Variants in OTX2 observed in about 807,000 individuals in gnomAD.
The protein encoded by OTX2 is homeobox protein OTX2.
Under a neutral mutation model 29.0 loss-of-function variants are expected in OTX2, and 4 were observed. The observed-to-expected ratio is 0.14, with a 90% CI of 0.07 to 0.32. The LOEUF is 0.32. OTX2 is among the 10% of genes least tolerant of loss of function. OTX2 has a pLI of 1.00. For missense variants in OTX2, 298 were observed against 365.9 expected, an observed-to-expected ratio of 0.81 and a Z score of 1.51; for synonymous variants, 134 against 141.0, an observed-to-expected ratio of 0.95 and a Z score of 0.35.
At position 56,802,396 on chromosome 14, in the gene OTX2, T is replaced by A. The variant is rs773032414; in HGVS notation, c.274-41A>T. 6 of 1,609,386 alleles carry A rather than the reference T, an allele frequency of 3.7e-6. No individual in the cohort carries two copies. Among genetic ancestry groups the A allele is most frequent in the Non-Finnish European group, 4.2e-6 (5 of 1,176,984 alleles). On this transcript the variant is annotated intron_variant, in intron 4 of 4. Coordinates refer to ENST00000672264, the MANE Select transcript of OTX2 (RefSeq NM_021728.4). The surrounding 1 kb of genome is among the most constrained non-coding windows in gnomAD (Gnocchi z 4.4). Reference sequence around the variant, plus strand: ...AAATTCTTTAACTCGGTTTTGATAGTTCCTTAAGGACAAGAATGGCTCCCG... The same window carrying A: ...AAATTCTTTAACTCGGTTTTGATAGATCCTTAAGGACAAGAATGGCTCCCG...
Position 56,804,333 on chromosome 14 carries a change from G to T in OTX2, c.128C>A (p.Pro43His). 1 of 1,613,988 alleles carries T rather than the reference G, an allele frequency of 6.2e-7. No individual in the cohort carries two copies. The highest frequency in any genetic ancestry group is 8.5e-7 in the Non-Finnish European group (1 of 1,180,016). ...CGTCCTCTCCCGGCGCTGTTTCCGG[G>T]GGGTGGCTGCGGGACAAGAAGCCCA... is the stretch of plus-strand genomic sequence containing the variant. ...GPWASCPAAT[P>H]RKQRRERTTF... The change falls in exon 4 of 5, where the codon CCC becomes CAC. Residue 43 changes from proline to histidine, a missense_variant. Pro to His is a moderately conservative substitution (Grantham distance 77). This residue lies in a region of OTX2 where 50 missense variants were observed against 57.6 expected (regional missense o/e 0.87). Transcript: ENST00000672264. This position sits in a 1 kb window ranked among gnomAD's most constrained non-coding sequence, Gnocchi z 4.1.
rs762454336 is a variant in OTX2 at position 56,802,397 on chromosome 14, T to C, written c.274-42A>G. The C allele has an allele frequency of 2.5e-6, 4 of 1,609,112 alleles. No homozygotes were observed. Among genetic ancestry groups the C allele is most frequent in the South Asian group, 1.1e-5 (1 of 91,008 alleles). On this transcript the variant is annotated intron_variant, in intron 4 of 4. Coordinates refer to ENST00000672264, the MANE Select transcript of OTX2 (RefSeq NM_021728.4). This position sits in a 1 kb window ranked among gnomAD's most constrained non-coding sequence, Gnocchi z 4.4. ...AATTCTTTAACTCGGTTTTGATAGTTCCTTAAGGACAAGAATGGCTCCCGT... is the reference window on the plus strand; with the variant it reads ...AATTCTTTAACTCGGTTTTGATAGTCCCTTAAGGACAAGAATGGCTCCCGT...
Position 56,801,570 on chromosome 14 carries a change from G to C in OTX2, c.*165C>G, listed in dbSNP as rs1195329294. The C allele has an allele frequency of 2.9e-6, 2 of 694,004 alleles. No homozygotes were observed. Among genetic ancestry groups the C allele is most frequent in the Non-Finnish European group, 5.0e-6 (2 of 402,932 alleles). 43.0% of individuals were successfully genotyped at this position (694,004 alleles called of 1,614,324 possible). ...GTCCATTTCATGTTGCTGGTTTGTA[G>C]GCCCCTCTAAGGCCCTTCGTTTTTC... On this transcript the variant is annotated 3_prime_UTR_variant, in exon 5 of 5. Transcript: ENST00000672264. This position sits in a 1 kb window ranked among gnomAD's most constrained non-coding sequence, Gnocchi z 4.2.
chr14:56,809,809 C>T (rs538814182), intron 2 of OTX2, among the ~76,000 whole-genome samples: 2 of 152,324 alleles, frequency 1.3e-5, no homozygotes, highest in African/African-American at 4.8e-5. Context: ...ACGCAAAGAT[C>T]GCGGGAGAAG....
chr14:56,807,931 A>C (rs1024080054), intron 2 of OTX2, among the ~76,000 whole-genome samples: 2 of 151,932 alleles, frequency 1.3e-5, no homozygotes, highest in African/African-American at 4.8e-5. Flanking sequence ...CGGCGACCGC[A>C]CCTCCGGGCG....
In OTX2 at chr14:56,802,480, G is replaced by T; in HGVS notation, c.274-125C>A. ...TAAACACACAATTTCCCCTGCCACT[G>T]AAGACCTATTATGTGGTACTCTCAT... On this transcript the variant is annotated intron_variant, in intron 4 of 4. Coordinates refer to ENST00000672264, the MANE Select transcript of OTX2 (RefSeq NM_021728.4). This position sits in a 1 kb window ranked among gnomAD's most constrained non-coding sequence, Gnocchi z 4.4. 2 of 1,083,790 alleles carry T rather than the reference G, an allele frequency of 1.8e-6. No individual in the cohort carries two copies. Among genetic ancestry groups the T allele is most frequent in the Non-Finnish European group, 1.4e-6 (1 of 710,596 alleles). The allele number at this position is 1,083,790 out of a possible 1,614,324, so 67.1% of individuals were successfully genotyped here.
intron 2 of OTX2, among the ~76,000 whole-genome samples, chr14:56,807,532 A>C (rs1892130037): frequency 6.6e-6 from 1 of 152,210 alleles, no homozygotes; most frequent in South Asian, 2.1e-4. Flanking sequence ...ACATTCCAAC[A>C]TAAAAAGCCA....
Position 56,801,826 on chromosome 14 carries a change from T to C in OTX2, c.803A>G (p.Lys268Arg). 6.2e-7 allele frequency: 1 copy of C among 1,614,202 alleles called. No homozygotes were observed. The highest frequency in any genetic ancestry group is 8.5e-7 in the Non-Finnish European group (1 of 1,180,034). Reference sequence around the variant, plus strand: ...AAGCTTCCAGGAGGCAGTTTGGTCCTTATAATCCAAGCAATCAGTGGTTGA... The same window carrying C: ...AAGCTTCCAGGAGGCAGTTTGGTCCCTATAATCCAAGCAATCAGTGGTTGA... ...FNSTTDCLDY[K>R]DQTASWKLNF... Residue 268 changes from lysine to arginine, a missense_variant, in exon 5 of 5, where the codon AAG becomes AGG. Around this residue, in one of 3 missense-constraint regions of OTX2, gnomAD observed 219 missense variants for 223.5 expected, o/e 0.98. Transcript: ENST00000672264. This position sits in a 1 kb window ranked among gnomAD's most constrained non-coding sequence, Gnocchi z 4.2.
chr14:56,804,077 A>G lies in OTX2; in HGVS notation c.273+111T>C. Reference sequence around the variant, plus strand: ...TTCCTGGCCCCTTAGTGAGTGAAGGAGAATTTCAAGCCTTCCTTCAGTCCT... The same window carrying G: ...TTCCTGGCCCCTTAGTGAGTGAAGGGGAATTTCAAGCCTTCCTTCAGTCCT... On this transcript the variant is annotated intron_variant, in intron 4 of 4. Coordinates refer to ENST00000672264, the MANE Select transcript of OTX2 (RefSeq NM_021728.4). This position sits in a 1 kb window ranked among gnomAD's most constrained non-coding sequence, Gnocchi z 4.1. The G allele has an allele frequency of 7.8e-7, 1 of 1,280,730 alleles. No individual in the cohort carries two copies. The highest frequency in any genetic ancestry group is 1.1e-6 in the Non-Finnish European group (1 of 883,932). 79.3% of individuals were successfully genotyped at this position (1,280,730 alleles called of 1,614,324 possible).
chr14:56,809,201 T>A (rs933047275), intron 2 of OTX2, among the ~76,000 whole-genome samples: 1 of 152,148 alleles, frequency 6.6e-6, no homozygotes, highest in African/African-American at 2.4e-5. Context: ...GGCCGCGGCC[T>A]TGGGCGGAGC....
At chr14:56,805,041 T>A (rs1356600938) in intron 3 of OTX2, among the ~76,000 whole-genome samples, 3 of 152,172 alleles carry the variant, frequency 2.0e-5, no homozygotes, top group African/African-American at 7.2e-5. Flanking sequence ...GGTAGGGGTC[T>A]TTTGCCCAAA....
intron 2 of OTX2, among the ~76,000 whole-genome samples, chr14:56,807,083 C>A (rs1454271931): frequency 6.6e-6 from 1 of 152,142 alleles, no homozygotes; most frequent in South Asian, 2.1e-4. Flanking sequence ...AAATTCAGAG[C>A]ACAAAAGTCA....
At position 56,801,341 on chromosome 14, in the gene OTX2, G is replaced by C. The variant is rs1745675062; in HGVS notation, c.*394C>G. On this transcript the variant is annotated 3_prime_UTR_variant, in exon 5 of 5. Coordinates refer to ENST00000672264, the MANE Select transcript of OTX2 (RefSeq NM_021728.4). The surrounding 1 kb of genome is among the most constrained non-coding windows in gnomAD (Gnocchi z 4.2). Reference sequence around the variant, plus strand: ...AGCTTGAGACACTGTTCATTCCTAAGATTCAACCAAGGATTGGCTAAAACA... The same window carrying C: ...AGCTTGAGACACTGTTCATTCCTAACATTCAACCAAGGATTGGCTAAAACA... 3.4e-6 allele frequency: 1 copy of C among 289,946 alleles called. No homozygotes were observed. Among genetic ancestry groups the C allele is most frequent in the African/African-American group, 2.2e-5 (1 of 46,024 alleles). 18.0% of individuals were successfully genotyped at this position (289,946 alleles called of 1,614,324 possible).
In OTX2 at chr14:56,805,403, G is replaced by T. The variant is rs1445883508; in HGVS notation, c.54C>A (p.Thr18=). 2 of 1,613,952 alleles carry T rather than the reference G, an allele frequency of 1.2e-6. No individual in the cohort carries two copies. The highest frequency in any genetic ancestry group is 1.7e-6 in the Non-Finnish European group (2 of 1,179,874). The change falls in exon 3 of 5, where the codon ACC becomes ACA. Residue 18 remains threonine (T), a synonymous_variant. Transcript: ENST00000672264. The part of the protein sequence containing the change: ...PPYAVNGLSL[T]TSGMDLLHPS... Reference sequence around the variant, plus strand: ...GGTGCAGCAAGTCCATACCCGAAGTGGTCAGACTCAGCCCATTGACTGCGT... The same window carrying T: ...GGTGCAGCAAGTCCATACCCGAAGTTGTCAGACTCAGCCCATTGACTGCGT...
In OTX2 at chr14:56,804,045, G is replaced by A. The variant is rs1891987733; in HGVS notation, c.273+143C>T. 2.0e-6 allele frequency: 2 copies of A among 988,488 alleles called. No individual in the cohort carries two copies. The highest frequency in any genetic ancestry group is 3.1e-6 in the Non-Finnish European group (2 of 646,284). 61.2% of individuals were successfully genotyped at this position (988,488 alleles called of 1,614,324 possible). A position where few individuals can be genotyped will look rare whatever the true frequency, so the allele number is the denominator to read the frequency against. On this transcript the variant is annotated intron_variant, in intron 4 of 4. Coordinates refer to ENST00000672264, the MANE Select transcript of OTX2 (RefSeq NM_021728.4). This position sits in a 1 kb window ranked among gnomAD's most constrained non-coding sequence, Gnocchi z 4.1. ...GGGCAGGCAAAAAAGGGCAGAAGGAGAATAGTTTCCTGGCCCCTTAGTGAG... is the reference window on the plus strand; with the variant it reads ...GGGCAGGCAAAAAAGGGCAGAAGGAAAATAGTTTCCTGGCCCCTTAGTGAG...
Position 56,804,126 on chromosome 14 carries a change from A to G in OTX2, c.273+62T>C. The G allele has an allele frequency of 6.3e-7, 1 of 1,577,824 alleles. No individual in the cohort carries two copies. The highest frequency in any genetic ancestry group is 2.2e-5 in the East Asian group (1 of 44,720). ...CTCTGAAAGACCTGGGGCTCTCCAC[A>G]GTCCCATACTCGGGAAGGGTGGCAT... On this transcript the variant is annotated intron_variant, in intron 4 of 4. Coordinates refer to ENST00000672264, the MANE Select transcript of OTX2 (RefSeq NM_021728.4). This position sits in a 1 kb window ranked among gnomAD's most constrained non-coding sequence, Gnocchi z 4.1.
chr14:56,804,446 C>G lies in OTX2; in HGVS notation c.98-83G>C. The G allele has an allele frequency of 7.6e-7, 1 of 1,315,164 alleles. No individual in the cohort carries two copies. Among genetic ancestry groups the G allele is most frequent in the Non-Finnish European group, 1.0e-6 (1 of 960,894 alleles). 81.5% of individuals were successfully genotyped at this position (1,315,164 alleles called of 1,614,324 possible). ...CCCTGCCCTCCACCCCGCAGCAGTC[C>G]CCCGTTCCTCACAGCCCTTCAGCCG... On this transcript the variant is annotated intron_variant, in intron 3 of 4. Transcript: ENST00000672264. The surrounding 1 kb of genome is among the most constrained non-coding windows in gnomAD (Gnocchi z 4.1).
Position 56,805,592 on chromosome 14 carries a change from C to A in OTX2, c.-119-17G>T. ...GCAGTGGAACTAAGGGCAAAGCAAA[C>A]AAACAAACAGAGGGGCTGGTTTACT... On this transcript the variant is annotated splice_polypyrimidine_tract_variant and intron_variant, in intron 2 of 4. Transcript: ENST00000672264. 1 of 689,154 alleles carries A rather than the reference C, an allele frequency of 1.5e-6. No homozygotes were observed. The allele number at this position is 689,154 out of a possible 1,614,324, so 42.7% of individuals were successfully genotyped here. A position where few individuals can be genotyped will look rare whatever the true frequency, so the allele number is the denominator to read the frequency against.
chr14:56,804,447 C>G lies in OTX2; in HGVS notation c.98-84G>C. 2 of 1,316,802 alleles carry G rather than the reference C, an allele frequency of 1.5e-6. No homozygotes were observed. Among genetic ancestry groups the G allele is most frequent in the Non-Finnish European group, 2.1e-6 (2 of 962,472 alleles). The allele number at this position is 1,316,802 out of a possible 1,614,324, so 81.6% of individuals were successfully genotyped here. A position where few individuals can be genotyped will look rare whatever the true frequency, so the allele number is the denominator to read the frequency against. ...CCTGCCCTCCACCCCGCAGCAGTCC[C>G]CCGTTCCTCACAGCCCTTCAGCCGG... On this transcript the variant is annotated intron_variant, in intron 3 of 4. Transcript: ENST00000672264. This position sits in a 1 kb window ranked among gnomAD's most constrained non-coding sequence, Gnocchi z 4.1.
Sources: allele counts gnomAD v4.1 joint callset (sites outside exome capture counted in the v4.1 genomes callset), GRCh38; gene constraint gnomAD v4.1.1; regional missense constraint gnomAD v4.1.1; non-coding constraint Gnocchi (gnomAD v3.1); transcripts MANE v1.5; gene names NCBI Gene and HGNC (gene_info 2026-07-23, HGNC 2026-07-21).